The following CCPG1 variants were observed in gnomAD, a reference collection of about 807,000 sequenced individuals.
CCPG1 encodes cell cycle progression protein 1.
In CCPG1, 46 loss-of-function variants were observed where a neutral mutation model predicts 81.3. The ratio of observed to expected loss-of-function variants is 0.57; its 90% CI spans 0.45 to 0.72. CCPG1 has a LOEUF of 0.72. CCPG1 is among the 30% of genes least tolerant of loss of function. The pLI, the probability that CCPG1 is intolerant of heterozygous loss-of-function variation, is 0.00. For missense variants in CCPG1, 902 were observed against 937.6 expected, an observed-to-expected ratio of 0.96 and a Z score of 0.50; for synonymous variants, 330 against 305.2, an observed-to-expected ratio of 1.08 and a Z score of -0.85.
intron 1 of CCPG1, among the ~76,000 whole-genome samples, chr15:55,405,766 C>A (rs74745190): frequency 6.6e-6 from 1 of 152,034 alleles, no homozygotes; most frequent in African/African-American, 2.4e-5. Flanking sequence ...TCGAGTCCAA[C>A]TATTTCATTT....
intron 1 of CCPG1, among the ~76,000 whole-genome samples, chr15:55,390,213 C>A (rs569834892): frequency 1.3e-5 from 2 of 152,168 alleles, no homozygotes; most frequent in East Asian, 3.9e-4. Context: ...TGAACCACTG[C>A]GCCCGGCAAT....
chr15:55,357,886 A>G (rs549871948), intron 8 of CCPG1: 1 of 152,330 alleles, frequency 6.6e-6, no homozygotes, highest in Non-Finnish European at 1.5e-5. Flanking sequence ...GTTTTCAATT[A>G]TATGCCTGTT....
Position 55,405,266 on chromosome 15 carries a change from G to C in CCPG1, c.-10+2955C>G, listed in dbSNP as rs570606679. ...AATCCCAGCTACTCGGGAGGGTGAGGCGGGAGAACCACTTGAAACCAGGAG... is the reference window on the plus strand; with the variant it reads ...AATCCCAGCTACTCGGGAGGGTGAGCCGGGAGAACCACTTGAAACCAGGAG... On this transcript the variant is annotated intron_variant, in intron 1 of 8. Transcript: ENST00000442196. Among the ~76,000 whole-genome samples the C allele has an allele frequency of 6.1e-3, 932 of 152,270 alleles. 8 individuals are homozygous for C. Among genetic ancestry groups the C allele is most frequent in the African/African-American group, 0.021 (893 of 41,544 alleles).
chr15:55,356,884 G>T (rs2056089115), intron 8 of CCPG1: 1 of 985,754 alleles, frequency 1.0e-6, no homozygotes, highest in African/African-American at 1.7e-5. Flanking sequence ...TACTTCACTG[G>T]AAGTCCATAC....
chr15:55,361,451 T>G (rs1011152949), intron 7 of CCPG1, among the ~76,000 whole-genome samples: 10 of 151,800 alleles, frequency 6.6e-5, no homozygotes, highest in Non-Finnish European at 7.4e-5. Context: ...CTCATGCCTG[T>G]AATCCCAGCA....
At chr15:55,378,051 T>A (rs1414701334) in intron 4 of CCPG1, among the ~76,000 whole-genome samples, 3 of 152,216 alleles carry the variant, frequency 2.0e-5, no homozygotes, top group Non-Finnish European at 4.4e-5. Flanking sequence ...CCTAACAGTT[T>A]AATTTTTCAA....
At position 55,398,384 on chromosome 15, in the gene CCPG1, T is replaced by C. The variant is rs2057063264; in HGVS notation, c.-9-8951A>G. 3 of 152,170 alleles carry C rather than the reference T, an allele frequency of 2.0e-5. No individual in the cohort carries two copies. The South Asian group carries it at 6.2e-4, about 31-fold the overall frequency. The allele number at this position is 152,170 out of a possible 1,614,324, so 9.4% of individuals were successfully genotyped here. On this transcript the variant is annotated intron_variant, in intron 1 of 8. Coordinates refer to ENST00000442196, the MANE Select transcript of CCPG1 (RefSeq NM_001204450.2). ...TTCCGAAGTAAGGCAACCAATAGGCTATAGGCAAAGGCCTCAAAGTGCAGC... is the reference window on the plus strand; with the variant it reads ...TTCCGAAGTAAGGCAACCAATAGGCCATAGGCAAAGGCCTCAAAGTGCAGC...
chr15:55,394,679 C>T lies in CCPG1; in HGVS notation c.-9-5246G>A, dbSNP rs567211445. Among the ~76,000 whole-genome samples, 71 of 152,144 alleles carry T rather than the reference C, an allele frequency of 4.7e-4. 1 individual carries two copies. The highest frequency in any genetic ancestry group is 1.7e-3 in the African/African-American group (70 of 41,500). On this transcript the variant is annotated intron_variant, in intron 1 of 8. Coordinates refer to ENST00000442196, the MANE Select transcript of CCPG1 (RefSeq NM_001204450.2). ...CAGCCAATTATCCCACAGAACTGAT[C>T]TTTATGGTTTCTCTGAATAAATACA...
intron 1 of CCPG1, among the ~76,000 whole-genome samples, chr15:55,393,151 G>A (rs2056954720): frequency 6.6e-6 from 1 of 151,964 alleles, no homozygotes; most frequent in African/African-American, 2.4e-5. Context: ...ATATTAAGAT[G>A]GCAGGGCCAA....
intron 1 of CCPG1, among the ~76,000 whole-genome samples, chr15:55,403,168 A>T (rs990953141): frequency 6.6e-6 from 1 of 152,206 alleles, no homozygotes; most frequent in African/African-American, 2.4e-5. Flanking sequence ...CTTACAAAGC[A>T]ATTTCATTTT....
chr15:55,388,766 TAA>T (rs34570707), intron 2 of CCPG1, among the ~76,000 whole-genome samples: 31 of 132,128 alleles, frequency 2.3e-4, no homozygotes, highest in Non-Finnish European at 3.4e-4. Flanking sequence ...CCTGTCCCTT[TAA>T]AAAAAAAAAA....
intron 5 of CCPG1, chr15:55,373,061 C>G: frequency 1.9e-6 from 1 of 527,438 alleles, no homozygotes; most frequent in Non-Finnish European, 3.9e-6. Flanking sequence ...TATTCTGGTG[C>G]TGCTCCTTTA....
intron 8 of CCPG1, chr15:55,358,521 G>T (rs1161901034): frequency 1.5e-5 from 15 of 985,256 alleles, no homozygotes; most frequent in Non-Finnish European, 1.8e-5. Context: ...TTAAAGCAGT[G>T]TATCTTCACA....
At chr15:55,400,437 G>T (rs951283142) in intron 1 of CCPG1, among the ~76,000 whole-genome samples, 15 of 151,308 alleles carry the variant, frequency 9.9e-5, no homozygotes, top group Non-Finnish European at 1.5e-4. Context: ...GAGCCCAGGA[G>T]GTGGGGGTTG....
intron 7 of CCPG1, among the ~76,000 whole-genome samples, chr15:55,364,965 TA>T (rs1490855297): frequency 6.6e-6 from 1 of 152,160 alleles, no homozygotes; most frequent in African/African-American, 2.4e-5. Context: ...TTTCCACCTA[TA>T]AAAGTTAGTA....
At chr15:55,399,664 T>G (rs2057089284) in intron 1 of CCPG1, 1 of 152,066 alleles carries the variant, frequency 6.6e-6, no homozygotes, top group Admixed American at 6.5e-5. Context: ...TATCTGTAAC[T>G]CATGAAAAGT....
intron 5 of CCPG1, among the ~76,000 whole-genome samples, chr15:55,373,978 T>C (rs1366890416): frequency 6.6e-6 from 1 of 152,212 alleles, no homozygotes; most frequent in African/African-American, 2.4e-5. Flanking sequence ...ATTTGGCCCA[T>C]AGATGCAAGC....
intron 8 of CCPG1, chr15:55,357,520 G>C: frequency 2.7e-6 from 2 of 752,390 alleles, no homozygotes; most frequent in Non-Finnish European, 3.2e-6. Context: ...GTCAACTGTG[G>C]TCTGAAAATG....
At chr15:55,400,750 TC>T (rs1486121658) in intron 1 of CCPG1, among the ~76,000 whole-genome samples, 1 of 152,198 alleles carries the variant, frequency 6.6e-6, no homozygotes, top group East Asian at 1.9e-4. Flanking sequence ...AATCTGCACT[TC>T]CAGGAAGACT....
Sources: allele counts gnomAD v4.1 joint callset (sites outside exome capture counted in the v4.1 genomes callset), GRCh38; gene constraint gnomAD v4.1.1; transcripts MANE v1.5; gene names NCBI Gene and HGNC (gene_info 2026-07-23, HGNC 2026-07-21).